Variants in FAT4 observed in about 807,000 individuals in gnomAD.
FAT4 encodes FAT atypical cadherin 4.
In FAT4, 84 loss-of-function variants were observed where a neutral mutation model predicts 303.9. The observed-to-expected ratio is 0.28, with a 90% CI of 0.23 to 0.33. The LOEUF is 0.33. FAT4 is among the 10% of genes least tolerant of loss of function. FAT4 has a pLI of 1.00. For synonymous variants in FAT4, 2,307 were observed against 2,298.8 expected (o/e 1.00, Z -0.10); for missense variants, 6,005 against 6,146.8 (o/e 0.98, Z 0.77).
At chr4:125,406,765 T>C (rs1480771038) in intron 3 of FAT4, 115 bp from the exon 4 acceptor site, 12 of 1,108,852 alleles carry the variant, frequency 1.1e-5, no homozygotes, top group South Asian at 9.3e-5. Flanking sequence ...TCTTATAATA[T>C]CATATGAACT....
chr4:125,394,730 T>A (rs1734102155), intron 2 of FAT4, among the ~76,000 whole-genome samples: 1 of 152,114 alleles, frequency 6.6e-6, no homozygotes, highest in Non-Finnish European at 1.5e-5. Context: ...TGGTGTCAGA[T>A]CTGAGAGTGA....
intron 2 of FAT4, among the ~76,000 whole-genome samples, chr4:125,372,551 T>G (rs1373236116): frequency 6.6e-6 from 1 of 152,050 alleles, no homozygotes; most frequent in African/African-American, 2.4e-5. Flanking sequence ...ATTTGATGAA[T>G]TTGAGGTACT....
chr4:125,451,864 G>A lies in FAT4; in HGVS notation c.10854G>A (p.Thr3618=), dbSNP rs781459256. The change falls in exon 10 of 18, where the codon ACG becomes ACA. Residue 3618 remains threonine, a synonymous_variant. Coordinates refer to ENST00000394329, the MANE Select transcript of FAT4 (RefSeq NM_001291303.3). ...DQNDNPSQSR[T]VEIFVNYYGN... ...ATGACAATCCTTCACAGTCTCGGAC[G>A]GTGGAGATATTTGTTAATTATTATG... 22 of 1,613,842 alleles carry A rather than the reference G, an allele frequency of 1.4e-5. No individual in the cohort carries two copies. Among genetic ancestry groups the A allele is most frequent in the Non-Finnish European group, 1.8e-5 (21 of 1,179,988 alleles).
At chr4:125,456,277 G>A (rs1726273651) in intron 10 of FAT4, among the ~76,000 whole-genome samples, 2 of 152,078 alleles carry the variant, frequency 1.3e-5, no homozygotes, top group Admixed American at 1.3e-4. Flanking sequence ...GGTGACTCCA[G>A]GGCCAGAGCT....
intron 2 of FAT4, among the ~76,000 whole-genome samples, chr4:125,361,819 G>C (rs915185508): frequency 6.6e-6 from 1 of 152,090 alleles, no homozygotes; most frequent in African/African-American, 2.4e-5. Flanking sequence ...TCAGTCATGA[G>C]CTCTATTTGT....
chr4:125,404,057 C>T (rs1734492310), intron 3 of FAT4, among the ~76,000 whole-genome samples: 1 of 152,076 alleles, frequency 6.6e-6, no homozygotes, highest in Admixed American at 6.6e-5. Context: ...CTCAAGGTGG[C>T]GTTTAGCAGC....
In FAT4 at chr4:125,398,647, C is replaced by G. The variant is rs1578597005; in HGVS notation, c.5176-137C>G. 7.8e-6 allele frequency: 6 copies of G among 766,834 alleles called. No individual in the cohort carries two copies. The East Asian group carries it at 1.5e-4, about 20-fold the overall frequency. 47.5% of individuals were successfully genotyped at this position (766,834 alleles called of 1,614,324 possible). On this transcript the variant is annotated intron_variant, in intron 2 of 17. Transcript: ENST00000394329. Reference sequence around the variant, plus strand: ...CACAACTTTTCCCTAGGGGTAGTTTCTGTTGTTTGGATGTTAGATGCAAAG... The same window carrying G: ...CACAACTTTTCCCTAGGGGTAGTTTGTGTTGTTTGGATGTTAGATGCAAAG...
intron 10 of FAT4, among the ~76,000 whole-genome samples, chr4:125,461,176 A>T (rs918151320): frequency 1.3e-5 from 2 of 152,054 alleles, no homozygotes; most frequent in Non-Finnish European, 2.9e-5. Context: ...CCTGTATTTT[A>T]TATTTAAATT....
At position 125,406,919 on chromosome 4, in the gene FAT4, G is replaced by A. The variant is rs571447839; in HGVS notation, c.5347G>A (p.Ala1783Thr). The change falls in exon 4 of 18, where the codon GCT becomes ACT. Residue 1783 changes from alanine to threonine, a missense_variant. Transcript: ENST00000394329. ...CGTCACATACACTATCATTAGTGGAGCTGATGATAGTTTTCGCATCGACCC... is the reference window on the plus strand; with the variant it reads ...CGTCACATACACTATCATTAGTGGAACTGATGATAGTTTTCGCATCGACCC... ...ALVTYTIISGADDSFRIDPES... is the reference protein window; with the variant it reads ...ALVTYTIISGTDDSFRIDPES... 8 of 1,613,564 alleles carry A rather than the reference G, an allele frequency of 5.0e-6. No homozygotes were observed. The highest frequency in any genetic ancestry group is 1.3e-5 in the African/African-American group (1 of 74,854).
At chr4:125,476,691 G>T (rs768333733) in intron 13 of FAT4, among the ~76,000 whole-genome samples, 6 of 152,158 alleles carry the variant, frequency 3.9e-5, no homozygotes, top group African/African-American at 9.7e-5. Flanking sequence ...TAGGAAAAAT[G>T]ATAAACAGAG....
chr4:125,320,923 A>G lies in FAT4; in HGVS notation c.4512A>G (p.Pro1504=). Residue 1504 remains proline, a synonymous_variant, in exon 2 of 18, where the codon CCA becomes CCG. Coordinates refer to ENST00000394329, the MANE Select transcript of FAT4 (RefSeq NM_001291303.3). ...TAAAAGCCAATGATCAAGCTGTGCC[A>G]ATAGAAACTAGACGGTATGCTTTGA... ...LTVKANDQAV[P]IETRRYALKN... is the part of the protein sequence containing the mutation. The G allele has an allele frequency of 6.2e-7, 1 of 1,614,208 alleles. No homozygotes were observed. The highest frequency in any genetic ancestry group is 8.5e-7 in the Non-Finnish European group (1 of 1,180,016).
chr4:125,408,055 T>C lies in FAT4; in HGVS notation c.5570-389T>C, dbSNP rs149957122. On this transcript the variant is annotated intron_variant, in intron 4 of 17. Transcript: ENST00000394329. ...AATGACCACATAAGTTCTAGAGTAG[T>C]ATCACCAGGGCATAAGTCTATATAT... Among the ~76,000 whole-genome samples the C allele has an allele frequency of 4.6e-5, 7 of 152,300 alleles. No homozygotes were observed. In the East Asian group the frequency reaches 1.2e-3, roughly 25 times the overall value.
At chr4:125,338,044 G>T (rs1731641545) in intron 2 of FAT4, among the ~76,000 whole-genome samples, 2 of 152,234 alleles carry the variant, frequency 1.3e-5, no homozygotes, top group Admixed American at 6.5e-5. Context: ...TGCTGGTTTT[G>T]TCATTCATCA....
chr4:125,462,850 A>G (rs1726527534), intron 10 of FAT4, among the ~76,000 whole-genome samples: 1 of 152,026 alleles, frequency 6.6e-6, no homozygotes. Context: ...CTTCACTGCC[A>G]TATCCCCCTC....
At chr4:125,462,501 T>C (rs560327134) in intron 10 of FAT4, among the ~76,000 whole-genome samples, 1 of 152,104 alleles carries the variant, frequency 6.6e-6, no homozygotes, top group African/African-American at 2.4e-5. Context: ...AATTAGATCC[T>C]AACGAATGTA....
intron 2 of FAT4, among the ~76,000 whole-genome samples, chr4:125,335,331 G>A (rs181618800): frequency 9.3e-4 from 142 of 152,166 alleles, no homozygotes; most frequent in Middle Eastern, 6.8e-3. Flanking sequence ...AATGTTGGTG[G>A]TAGATGTTGA....
Position 125,449,694 on chromosome 4 carries a change from A to G in FAT4, c.8684A>G (p.Gln2895Arg), listed in dbSNP as rs771242229. The change falls in exon 10 of 18, where the codon CAG (glutamine) becomes CGG (arginine). Residue 2895 changes from glutamine (Q) to arginine (R), a missense_variant. Coordinates refer to ENST00000394329, the MANE Select transcript of FAT4 (RefSeq NM_001291303.3). The part of the protein sequence containing the change: ...ELTEIGSKVT[Q>R]VFATDPDEGS... ...ACTGAGATTGGCTCCAAAGTAACTC[A>G]GGTATTTGCAACAGATCCTGATGAG... 1 of 1,613,964 alleles carries G rather than the reference A, an allele frequency of 6.2e-7. No homozygotes were observed. The highest frequency in any genetic ancestry group is 8.5e-7 in the Non-Finnish European group (1 of 1,179,878).
chr4:125,387,933 A>C (rs1421175159), intron 2 of FAT4, among the ~76,000 whole-genome samples: 1 of 152,202 alleles, frequency 6.6e-6, no homozygotes, highest in East Asian at 1.9e-4. Flanking sequence ...TCAAAGGCCT[A>C]CAAAAATTCA....
chr4:125,429,816 C>T (rs1182985479), intron 7 of FAT4, among the ~76,000 whole-genome samples: 1 of 152,146 alleles, frequency 6.6e-6, no homozygotes, highest in Non-Finnish European at 1.5e-5. Context: ...CTTGCAAGAG[C>T]AGACCAACAA....
Sources: allele counts gnomAD v4.1 joint callset (sites outside exome capture counted in the v4.1 genomes callset), GRCh38; gene constraint gnomAD v4.1.1; transcripts MANE v1.5; gene names NCBI Gene and HGNC (gene_info 2026-07-23, HGNC 2026-07-21).